CSMD2: variants seen among roughly 807,000 people sequenced by gnomAD.
The protein encoded by CSMD2 is CUB and sushi domain-containing protein 2.
In CSMD2, 130 loss-of-function variants were observed where a neutral mutation model predicts 398.5. The observed-to-expected ratio is 0.33, with a 90% CI of 0.28 to 0.38. The LOEUF (loss-of-function observed/expected upper bound fraction) is 0.38, where lower values mean the gene tolerates loss of function less well. Among genes scored for constraint, CSMD2 ranks in the 10% least tolerant of loss-of-function variants. The probability of loss-of-function intolerance (pLI) is 1.00; values close to 1 mark genes in which losing one functional copy is unlikely to be tolerated. For synonymous variants in CSMD2, 1,828 were observed against 1,908.5 expected (o/e 0.96, Z 1.10); for missense variants, 3,829 against 4,764.9 (o/e 0.80, Z 5.78).
intron 2 of CSMD2, among the ~76,000 whole-genome samples, chr1:34,064,013 T>C (rs1654835768): frequency 6.6e-6 from 1 of 152,176 alleles, no homozygotes; most frequent in Non-Finnish European, 1.5e-5. Flanking sequence ...CTTTCAGCCA[T>C]GGCTGGAGTG....
At position 33,837,920 on chromosome 1, in the gene CSMD2, G is replaced by A. The variant is rs116561143; in HGVS notation, c.1033+8964C>T. Among the ~76,000 whole-genome samples the A allele has an allele frequency of 9.7e-3, 1,476 of 152,272 alleles. 13 individuals are homozygous for A. The highest frequency in any genetic ancestry group is 0.014 in the Non-Finnish European group (970 of 68,026). Reference sequence around the variant, plus strand: ...TTTTCCCGCTGTTGTAAAGGTTAGCGGGACACATGGTACACATTTAGCTAG... The same window carrying A: ...TTTTCCCGCTGTTGTAAAGGTTAGCAGGACACATGGTACACATTTAGCTAG... On this transcript the variant is annotated intron_variant, in intron 6 of 70. Transcript: ENST00000373381.
At chr1:33,607,626 C>T (rs961081287) in intron 41 of CSMD2, among the ~76,000 whole-genome samples, 1 of 152,204 alleles carries the variant, frequency 6.6e-6, no homozygotes, top group African/African-American at 2.4e-5. Context: ...GGCAACCTAG[C>T]CCAAGAGGTT....
chr1:33,599,955 T>C (rs941827528), intron 44 of CSMD2: 21 of 595,588 alleles, frequency 3.5e-5, no homozygotes, highest in Non-Finnish European at 4.2e-5. Context: ...CAGCAGATAC[T>C]GCGGAGGCTG....
intron 4 of CSMD2, among the ~76,000 whole-genome samples, chr1:33,926,597 T>C (rs912623010): frequency 1.3e-5 from 2 of 152,206 alleles, no homozygotes; most frequent in African/African-American, 4.8e-5. Flanking sequence ...TCTCCCACTT[T>C]AGACAAGGCA....
At chr1:33,980,749 G>C (rs994274093) in intron 3 of CSMD2, among the ~76,000 whole-genome samples, 7 of 152,170 alleles carry the variant, frequency 4.6e-5, no homozygotes, top group African/African-American at 1.7e-4. Context: ...TCATCAGAAA[G>C]CCCAACAAGT....
At chr1:33,661,273 T>C (rs1644123235) in intron 26 of CSMD2, among the ~76,000 whole-genome samples, 1 of 152,234 alleles carries the variant, frequency 6.6e-6, no homozygotes, top group African/African-American at 2.4e-5. Flanking sequence ...TTCATAATAC[T>C]TCTTTCCCCA....
chr1:33,820,173 C>T (rs1216701746), intron 8 of CSMD2, among the ~76,000 whole-genome samples: 1 of 152,128 alleles, frequency 6.6e-6, no homozygotes, highest in Non-Finnish European at 1.5e-5. Context: ...ATTGCAGGCG[C>T]GAGTTGCCTT....
chr1:33,658,028 G>T lies in CSMD2; in HGVS notation c.4365C>A (p.Tyr1455Ter). The change falls in exon 27 of 71, where the codon TAC becomes TAA. Residue 1455 changes from tyrosine to a stop codon, truncating the protein, a stop_gained. Transcript: ENST00000373381. LOFTEE classifies it high-confidence loss of function. ...DSTVFQCDPG[Y>*]ALQGSAEISC... ...TGATCTCTGCACTTCCCTGCAGCGC[G>T]TAGCCAGGGTCACACTGGAACACTG... The T allele has an allele frequency of 6.2e-7, 1 of 1,614,182 alleles. No individual in the cohort carries two copies. Among genetic ancestry groups the T allele is most frequent in the Non-Finnish European group, 8.5e-7 (1 of 1,180,018 alleles).
chr1:33,751,501 CAG>C (rs1411380312), intron 13 of CSMD2, among the ~76,000 whole-genome samples: 2 of 152,156 alleles, frequency 1.3e-5, no homozygotes, highest in East Asian at 1.9e-4. Flanking sequence ...AGTGGGGTAA[CAG>C]GGTACTGGGA....
intron 3 of CSMD2, among the ~76,000 whole-genome samples, chr1:34,010,584 G>A (rs1404581235): frequency 6.6e-6 from 1 of 152,006 alleles, no homozygotes; most frequent in Admixed American, 6.6e-5. Flanking sequence ...TCGTCAGCAG[G>A]GCCTGCCACA....
intron 1 of CSMD2, among the ~76,000 whole-genome samples, chr1:34,150,566 G>A (rs1477996512): frequency 6.6e-6 from 1 of 152,194 alleles, no homozygotes; most frequent in South Asian, 2.1e-4. Context: ...AGTTTTGTAA[G>A]GGGTAAGGGA....
At chr1:33,701,016 T>C (rs2149122201) in intron 22 of CSMD2, among the ~76,000 whole-genome samples, 1 of 152,324 alleles carries the variant, frequency 6.6e-6, no homozygotes, top group African/African-American at 2.4e-5. Flanking sequence ...AGGCCAGGTT[T>C]GGGTTGCCTG....
chr1:33,947,328 C>T (rs1054359089), intron 3 of CSMD2, among the ~76,000 whole-genome samples: 2 of 152,160 alleles, frequency 1.3e-5, no homozygotes, highest in African/African-American at 4.8e-5. Context: ...GAGTCTTAGT[C>T]CCCTATATCC....
chr1:33,610,371 T>C (rs1338751836), intron 41 of CSMD2, among the ~76,000 whole-genome samples: 3 of 152,062 alleles, frequency 2.0e-5, no homozygotes, highest in South Asian at 4.2e-4. Context: ...AAGGGCGAGG[T>C]TGGGCTTACT....
chr1:34,033,735 C>T (rs879706491), intron 2 of CSMD2, among the ~76,000 whole-genome samples: 1 of 152,208 alleles, frequency 6.6e-6, no homozygotes. Context: ...ATCCGTGGTT[C>T]TCCTGGGTGC....
At position 33,525,335 on chromosome 1, in the gene CSMD2, G is replaced by A. The variant is rs188936284; in HGVS notation, c.10235-292C>T. 1.6e-3 allele frequency among the ~76,000 whole-genome samples: 249 copies of A among 152,246 alleles called. 1 individual carries two copies. The highest frequency in any genetic ancestry group is 5.5e-3 in the African/African-American group (228 of 41,536). ...AATGAATGAACAAATAAAGAAAAGGGTATATATACATACACTATGGAATAC... is the reference window on the plus strand; with the variant it reads ...AATGAATGAACAAATAAAGAAAAGGATATATATACATACACTATGGAATAC... On this transcript the variant is annotated intron_variant, in intron 65 of 70. Transcript: ENST00000373381.
chr1:33,782,502 C>T (rs188318168), intron 12 of CSMD2, among the ~76,000 whole-genome samples: 8 of 152,262 alleles, frequency 5.3e-5, no homozygotes, highest in African/African-American at 1.9e-4. Context: ...GAGACTGGCA[C>T]ACAGGGAGTC....
At chr1:33,936,766 T>C (rs186057943) in intron 3 of CSMD2, among the ~76,000 whole-genome samples, 3 of 152,312 alleles carry the variant, frequency 2.0e-5, no homozygotes, top group Admixed American at 1.3e-4. Flanking sequence ...GCCCTCTGCC[T>C]TGTCCCCCAG....
chr1:33,933,520 C>T (rs1644376468), intron 4 of CSMD2, among the ~76,000 whole-genome samples: 1 of 152,176 alleles, frequency 6.6e-6, no homozygotes, highest in South Asian at 2.1e-4. Flanking sequence ...ATAACTTAGA[C>T]ACTTGATTTT....
Sources: allele counts gnomAD v4.1 joint callset (sites outside exome capture counted in the v4.1 genomes callset), GRCh38; gene constraint gnomAD v4.1.1; transcripts MANE v1.5; gene names NCBI Gene and HGNC (gene_info 2026-07-23, HGNC 2026-07-21).